SDK1: variants seen among roughly 807,000 people sequenced by gnomAD.
SDK1 encodes the protein sidekick cell adhesion molecule 1.
Under a neutral mutation model 245.5 loss-of-function variants are expected in SDK1, and 157 were observed. The ratio of observed to expected loss-of-function variants is 0.64; its 90% confidence interval spans 0.56 to 0.73. SDK1 has a LOEUF of 0.73. SDK1 is among the 30% of genes least tolerant of loss of function. SDK1 has a pLI of 0.00. For synonymous variants in SDK1, 1,647 were observed against 1,278.5 expected, an observed-to-expected ratio of 1.29 and a Z score of -6.15; for missense variants, 3,583 against 3,002.3, an observed-to-expected ratio of 1.19 and a Z score of -4.52.
In SDK1 at chr7:3,796,525, C is replaced by G. The variant is rs573702061; in HGVS notation, c.714-24925C>G. Among the ~76,000 whole-genome samples the G allele has an allele frequency of 7.2e-5, 11 of 152,018 alleles. No individual in the cohort carries two copies. In the South Asian group the frequency reaches 1.5e-3, roughly 20 times the overall value. ...TTCATCAGTAATGCCCCTCTCCCCC[C>G]CAGCCTACAATCCATTCCAGGACCC... On this transcript the variant is annotated intron_variant, in intron 4 of 44. Coordinates refer to ENST00000404826, the MANE Select transcript of SDK1 (RefSeq NM_152744.4).
At chr7:4,242,332 G>A (rs1378217146) in intron 43 of SDK1, among the ~76,000 whole-genome samples, 1 of 152,166 alleles carries the variant, frequency 6.6e-6, no homozygotes, top group African/African-American at 2.4e-5. Context: ...ATTGCTCTGT[G>A]TATTCCAAAG....
At position 4,266,532 on chromosome 7, in the gene SDK1, G is replaced by A. The variant is rs975772452; in HGVS notation, c.*1148G>A. ...CTGCTGCTGCCCCCTCTCCCAGTCC[G>A]AGGCCAGCTTTTAGCCTTAACAGGT... On this transcript the variant is annotated 3_prime_UTR_variant, in exon 45 of 45. Transcript: ENST00000404826. 25 of 985,050 alleles carry A rather than the reference G, an allele frequency of 2.5e-5. No individual in the cohort carries two copies. The highest frequency in any genetic ancestry group is 2.9e-5 in the Non-Finnish European group (24 of 829,912). The allele number at this position is 985,050 out of a possible 1,614,324, so 61.0% of individuals were successfully genotyped here.
chr7:4,268,873 C>T lies in SDK1; in HGVS notation c.*3489C>T. 1 of 537,400 alleles carries T rather than the reference C, an allele frequency of 1.9e-6. No homozygotes were observed. 33.3% of individuals were successfully genotyped at this position (537,400 alleles called of 1,614,324 possible). ...GGAGCCGTCAGGTCCCTAAACGTTC[C>T]CTACAACTTTTTCTGAAATTGTGCA... On this transcript the variant is annotated 3_prime_UTR_variant, in exon 45 of 45. Transcript: ENST00000404826.
intron 5 of SDK1, among the ~76,000 whole-genome samples, chr7:3,837,842 T>C (rs1425090316): frequency 6.6e-6 from 1 of 152,244 alleles, no homozygotes; most frequent in Admixed American, 6.5e-5. Flanking sequence ...GACAGTTTTA[T>C]AAAAATGCAT....
Position 4,100,352 on chromosome 7 carries a change from G to A in SDK1, c.3325-10311G>A, listed in dbSNP as rs10248581. 1.4e-3 allele frequency among the ~76,000 whole-genome samples: 217 copies of A among 152,274 alleles called. 2 individuals are homozygous for A. Among genetic ancestry groups the A allele is most frequent in the African/African-American group, 5.1e-3 (211 of 41,568 alleles). Reference sequence around the variant, plus strand: ...AAGGAGCTGGTTCCTTCAGGGCATGGGGTTGAGCGGGAAGGCTGTTTCGGG... The same window carrying A: ...AAGGAGCTGGTTCCTTCAGGGCATGAGGTTGAGCGGGAAGGCTGTTTCGGG... On this transcript the variant is annotated intron_variant, in intron 22 of 44. Coordinates refer to ENST00000404826, the MANE Select transcript of SDK1 (RefSeq NM_152744.4).
chr7:3,805,221 A>C (rs901057321), intron 4 of SDK1, among the ~76,000 whole-genome samples: 1 of 152,158 alleles, frequency 6.6e-6, no homozygotes, highest in South Asian at 2.1e-4. Context: ...TGTATCTTGT[A>C]TTCTGAAACC....
chr7:3,891,069 T>C (rs1486640054), intron 5 of SDK1, among the ~76,000 whole-genome samples: 1 of 152,136 alleles, frequency 6.6e-6, no homozygotes, highest in Non-Finnish European at 1.5e-5. Context: ...CATCACTGTC[T>C]AGAGCACATC....
chr7:3,534,594 A>C (rs2128618756), intron 1 of SDK1, among the ~76,000 whole-genome samples: 1 of 151,944 alleles, frequency 6.6e-6, no homozygotes, highest in South Asian at 2.1e-4. Context: ...GTGGTGTTGC[A>C]CTGTGGCTTA....
intron 14 of SDK1, among the ~76,000 whole-genome samples, chr7:4,003,134 C>G (rs927333413): frequency 1.3e-5 from 2 of 152,278 alleles, no homozygotes; most frequent in African/African-American, 4.8e-5. Flanking sequence ...ACAGCCCTCA[C>G]TCTTGTGTGC....
intron 1 of SDK1, among the ~76,000 whole-genome samples, chr7:3,499,295 A>G (rs915096412): frequency 3.3e-5 from 5 of 152,242 alleles, no homozygotes; most frequent in Non-Finnish European, 5.9e-5. Context: ...CTTCTCAGGC[A>G]CTAACTTGCT....
chr7:4,151,588 T>G (rs1477801288), intron 30 of SDK1, among the ~76,000 whole-genome samples: 1 of 152,170 alleles, frequency 6.6e-6, no homozygotes, highest in East Asian at 1.9e-4. Flanking sequence ...GTCACTCAGC[T>G]TCCAGACAGT....
At chr7:4,208,381 C>A in intron 37 of SDK1, 96 bp downstream of exon 37, 1 of 1,170,440 alleles carries the variant, frequency 8.5e-7, no homozygotes, top group Non-Finnish European at 1.2e-6. Context: ...TCCCGGCCCG[C>A]CCAGGCGGAA....
At chr7:3,499,507 C>T (rs1168271263) in intron 1 of SDK1, among the ~76,000 whole-genome samples, 1 of 152,202 alleles carries the variant, frequency 6.6e-6, no homozygotes, top group East Asian at 1.9e-4. Flanking sequence ...CCCATGTGTT[C>T]CTCTCTCATT....
intron 5 of SDK1, among the ~76,000 whole-genome samples, chr7:3,824,249 C>G (rs922631630): frequency 6.2e-4 from 95 of 152,202 alleles, no homozygotes; most frequent in African/African-American, 2.2e-3. Context: ...ACTTAGATAT[C>G]TTTTTCTTCT....
chr7:3,721,893 C>A (rs1778821637), intron 4 of SDK1, among the ~76,000 whole-genome samples: 1 of 152,158 alleles, frequency 6.6e-6, no homozygotes, highest in Admixed American at 6.5e-5. Flanking sequence ...CAATTATCTC[C>A]TGATTTTCTC....
intron 1 of SDK1, among the ~76,000 whole-genome samples, chr7:3,380,149 A>C (rs1007852140): frequency 2.6e-5 from 4 of 152,176 alleles, no homozygotes; most frequent in Non-Finnish European, 5.9e-5. Flanking sequence ...ATCAGAAAAA[A>C]AGTTCCTAAA....
chr7:3,864,599 TAGAC>T (rs1167504680), intron 5 of SDK1, among the ~76,000 whole-genome samples: 1 of 152,152 alleles, frequency 6.6e-6, no homozygotes, highest in Admixed American at 6.5e-5. Flanking sequence ...CACCCAGTCT[TAGAC>T]AGCCCCAAGG....
intron 5 of SDK1, among the ~76,000 whole-genome samples, chr7:3,894,005 A>G (rs984492123): frequency 1.3e-5 from 2 of 152,220 alleles, no homozygotes; most frequent in African/African-American, 2.4e-5. Flanking sequence ...TGTATAAGAT[A>G]CGAGAATACA....
At chr7:3,634,270 C>G (rs1033793648) in intron 2 of SDK1, among the ~76,000 whole-genome samples, 5 of 152,048 alleles carry the variant, frequency 3.3e-5, no homozygotes, top group African/African-American at 1.2e-4. Context: ...ATGACTAGTC[C>G]CAGCAGTTGT....
Sources: gnomAD v4.1 joint callset for allele counts (sites outside exome capture counted in the v4.1 genomes callset) on GRCh38, gnomAD v4.1.1 for gene constraint, MANE v1.5 for transcripts, NCBI Gene and HGNC (gene_info 2026-07-23, HGNC 2026-07-21) for gene names.